Variants in TRRAP observed in about 807,000 individuals in gnomAD.
TRRAP encodes transformation/transcription domain-associated protein.
TRRAP carries 41 observed loss-of-function variants against 438.8 expected under a neutral mutation model. The observed-to-expected ratio is 0.09, with a 90% confidence interval of 0.07 to 0.12. TRRAP has a LOEUF of 0.12. Among genes scored for constraint, TRRAP ranks in the 10% least tolerant of loss-of-function variants. The pLI is 1.00. For synonymous variants in TRRAP, 1,994 were observed against 1,962.9 expected (o/e 1.02, Z -0.42); for missense variants, 3,122 against 5,055.1 (o/e 0.62, Z 11.60).
At chr7:98,896,323 C>A (rs1417264539) in intron 7 of TRRAP, among the ~76,000 whole-genome samples, 4 of 152,032 alleles carry the variant, frequency 2.6e-5, no homozygotes, top group Non-Finnish European at 5.9e-5. Flanking sequence ...CTCCTCATCT[C>A]CTTCCTGCTT....
rs1056295110 is a variant in TRRAP, at chr7:98,910,439, A to G, written c.1714+20A>G. 13 of 1,611,894 alleles carry G rather than the reference A, an allele frequency of 8.1e-6. No individual in the cohort carries two copies. In the African/African-American group the frequency reaches 9.4e-5, roughly 12 times the overall value. ...CTGGTGGTAATTCTGCTCTTCAGTT[A>G]TGTAGACAAACAATAGTTTTCATAA... On this transcript the variant is annotated intron_variant, in intron 15 of 72. Transcript: ENST00000456197.
At chr7:98,924,687 T>TC (rs1789954492) in intron 21 of TRRAP, among the ~76,000 whole-genome samples, 1 of 21,818 alleles carries the variant, frequency 4.6e-5, no homozygotes, top group Non-Finnish European at 1.0e-4. Flanking sequence ...AGACTCCGTC[T>TC]CAAAAAAAAA....
In TRRAP at chr7:98,925,231, G is replaced by C; in HGVS notation, c.2943G>C (p.Lys981Asn). Reference protein sequence around the residue: ...LVAMMSLEDNKHALYQLLAHP... With the variant: ...LVAMMSLEDNNHALYQLLAHP... Reference sequence around the variant, plus strand: ...CCATGATGAGCCTGGAGGACAACAAGCACGCACTCTACCAGCTCCTGGCAC... The same window carrying C: ...CCATGATGAGCCTGGAGGACAACAACCACGCACTCTACCAGCTCCTGGCAC... Residue 981 changes from lysine (K) to asparagine (N), a missense_variant, in exon 22 of 73, where the codon AAG (lysine) becomes AAC (asparagine). Transcript: ENST00000456197. 1 of 1,614,162 alleles carries C rather than the reference G, an allele frequency of 6.2e-7. No individual in the cohort carries two copies. The highest frequency in any genetic ancestry group is 1.7e-5 in the Admixed American group (1 of 60,022).
At chr7:98,980,628 G>A (rs1052670225) in intron 58 of TRRAP, among the ~76,000 whole-genome samples, 2 of 152,192 alleles carry the variant, frequency 1.3e-5, no homozygotes, top group African/African-American at 4.8e-5. Context: ...ACATTTTATA[G>A]TAGGCAAGAA....
intron 66 of TRRAP, 73 bp downstream of exon 66, chr7:98,993,810 C>T: frequency 6.7e-7 from 1 of 1,493,500 alleles, no homozygotes; most frequent in Non-Finnish European, 9.3e-7. Context: ...TTCTGTGGCT[C>T]TCTTCCCTTG....
chr7:98,892,344 C>T (rs1287235128), intron 4 of TRRAP, 80 bp from the exon 5 acceptor site: 1 of 1,177,388 alleles, frequency 8.5e-7, no homozygotes, highest in East Asian at 2.4e-5. Context: ...AGCTGTGTGA[C>T]ACTTGCAGAG....
At chr7:98,909,240 T>C (rs1796941848) in intron 14 of TRRAP, among the ~76,000 whole-genome samples, 1 of 152,006 alleles carries the variant, frequency 6.6e-6, no homozygotes, top group Non-Finnish European at 1.5e-5. Flanking sequence ...ACCAGGCTGG[T>C]CTCGAACTCC....
chr7:98,995,583 G>A (rs565306240), intron 67 of TRRAP, among the ~76,000 whole-genome samples: 1 of 152,058 alleles, frequency 6.6e-6, no homozygotes, highest in Admixed American at 6.5e-5. Flanking sequence ...TGTGAGGAAA[G>A]GAGTCCAATT....
Position 99,011,596 on chromosome 7 carries a change from C to A in TRRAP, c.11337+61C>A. 6.4e-7 allele frequency: 1 copy of A among 1,553,012 alleles called. No homozygotes were observed. Among genetic ancestry groups the A allele is most frequent in the South Asian group, 1.2e-5 (1 of 80,402 alleles). On this transcript the variant is annotated intron_variant, in intron 72 of 72. Coordinates refer to ENST00000456197, the MANE Select transcript of TRRAP (RefSeq NM_001375524.1). The surrounding 1 kb of genome is among the most constrained non-coding windows in gnomAD (Gnocchi z 7.1). ...TAGAGCCACTCAGATGCCCGCGCGT[C>A]ACGGCCTTGCAGGAGCTGCTGATGT... is the stretch of plus-strand genomic sequence containing the variant.
At chr7:98,950,380 G>A (rs1447144912) in intron 38 of TRRAP, 118 bp downstream of exon 38, 1 of 1,217,764 alleles carries the variant, frequency 8.2e-7, no homozygotes, top group Non-Finnish European at 1.1e-6. Context: ...GAGTGAGCCA[G>A]GTGCTGTGGC....
chr7:98,900,509 T>G (rs1019119667), intron 10 of TRRAP, 115 bp from the exon 11 acceptor site: 1 of 783,750 alleles, frequency 1.3e-6, no homozygotes, highest in Non-Finnish European at 2.0e-6. Flanking sequence ...GTTGCTGTGT[T>G]GTTTGGGTCT....
chr7:98,888,747 G>A (rs1169204893), intron 3 of TRRAP, among the ~76,000 whole-genome samples: 1 of 152,028 alleles, frequency 6.6e-6, no homozygotes, highest in Non-Finnish European at 1.5e-5. Context: ...GGTGTCCTCC[G>A]CCCTTGGTTA....
intron 2 of TRRAP, 45 bp downstream of exon 2, chr7:98,881,295 G>A (rs782289029): frequency 5.9e-6 from 9 of 1,534,236 alleles, no homozygotes; most frequent in Admixed American, 5.6e-5. Flanking sequence ...AAATAAGGCC[G>A]GATGCGGTGG....
At chr7:98,916,014 G>A (rs1421286372) in intron 19 of TRRAP, 126 bp downstream of exon 19, 13 of 1,282,960 alleles carry the variant, frequency 1.0e-5, no homozygotes, top group South Asian at 1.5e-5. Context: ...ATGGGATGTG[G>A]CACATCCGCC....
In TRRAP at chr7:98,942,442, G is replaced by A. The variant is rs538218169; in HGVS notation, c.4405-507G>A. Among the ~76,000 whole-genome samples, 10 of 152,338 alleles carry A rather than the reference G, an allele frequency of 6.6e-5. No homozygotes were observed. The East Asian group carries it at 1.9e-3, about 29-fold the overall frequency. On this transcript the variant is annotated intron_variant, in intron 30 of 72. Coordinates refer to ENST00000456197, the MANE Select transcript of TRRAP (RefSeq NM_001375524.1). ...TTCTCTAGTCCCATCCTCAGCAGGA[G>A]GACCCCGACCCCCTCCTTTCTCATC... is the stretch of plus-strand genomic sequence containing the variant.
chr7:98,946,060 A>G, intron 33 of TRRAP, 110 bp downstream of exon 33: 1 of 1,165,358 alleles, frequency 8.6e-7, no homozygotes, highest in East Asian at 3.9e-5. Context: ...TGTGCCCTTG[A>G]GTGCAGTGAC....
rs1455209374 is a variant in TRRAP at position 99,005,436 on chromosome 7, T to G, written c.10753+88T>G. On this transcript the variant is annotated intron_variant, in intron 69 of 72. Coordinates refer to ENST00000456197, the MANE Select transcript of TRRAP (RefSeq NM_001375524.1). This position sits in a 1 kb window ranked among gnomAD's most constrained non-coding sequence, Gnocchi z 5.1. Reference sequence around the variant, plus strand: ...ACACCTCGTGGGGTGCACAGGCAGCTCACGTTAGCCTTTGAGGGTCCAGCT... The same window carrying G: ...ACACCTCGTGGGGTGCACAGGCAGCGCACGTTAGCCTTTGAGGGTCCAGCT... 1 of 1,291,434 alleles carries G rather than the reference T, an allele frequency of 7.7e-7. No homozygotes were observed. Among genetic ancestry groups the G allele is most frequent in the Non-Finnish European group, 1.1e-6 (1 of 897,448 alleles). 80.0% of individuals were successfully genotyped at this position (1,291,434 alleles called of 1,614,324 possible).
intron 67 of TRRAP, among the ~76,000 whole-genome samples, chr7:99,002,173 G>A (rs554951828): frequency 2.9e-4 from 44 of 152,206 alleles, no homozygotes; most frequent in Non-Finnish European, 5.4e-4. Flanking sequence ...GCAGCCAAGG[G>A]CATCCCGTGC....
intron 39 of TRRAP, among the ~76,000 whole-genome samples, chr7:98,952,471 C>T (rs1234302983): frequency 6.6e-6 from 1 of 152,234 alleles, no homozygotes; most frequent in African/African-American, 2.4e-5. Context: ...CCTCACCCTC[C>T]TCCAGCCCCT....
Sources: allele counts gnomAD v4.1 joint callset (sites outside exome capture counted in the v4.1 genomes callset), GRCh38; gene constraint gnomAD v4.1.1; non-coding constraint Gnocchi (gnomAD v3.1); transcripts MANE v1.5; gene names NCBI Gene and HGNC (gene_info 2026-07-23, HGNC 2026-07-21).